Variants in PTGER3 observed in about 807,000 individuals in gnomAD.
PTGER3 encodes prostaglandin E receptor 3, also known as prostaglandin E2 receptor EP3 subtype.
In PTGER3, 22 loss-of-function variants were observed where a neutral mutation model predicts 34.7. The observed-to-expected ratio is 0.63, with a 90% CI of 0.45 to 0.91. The LOEUF (loss-of-function observed/expected upper bound fraction) is 0.91. Among genes scored for constraint, PTGER3 ranks in the 40% least tolerant of loss-of-function variants. The probability of loss-of-function intolerance (pLI) is 0.00; values close to 1 mark genes in which losing one functional copy is unlikely to be tolerated. For missense variants in PTGER3, 468 were observed against 519.4 expected (o/e 0.90, Z 0.96); for synonymous variants, 241 against 230.1 (o/e 1.05, Z -0.43).
At chr1:70,964,200 C>T (rs1464951054) in intron 2 of PTGER3, among the ~76,000 whole-genome samples, 2 of 152,174 alleles carry the variant, frequency 1.3e-5, no homozygotes, top group Non-Finnish European at 2.9e-5. Flanking sequence ...TCTGAGCCCT[C>T]CAATTCTCTA....
chr1:70,897,470 T>C lies in PTGER3; in HGVS notation c.*24-44611A>G, dbSNP rs143880576. The stretch of plus-strand genomic sequence containing the variant: ...GAGGAGAACACATGGGATCAAATAA[T>C]TGAACCACAGCTGATGGTCCTGTAG... On this transcript the variant is annotated intron_variant, in intron 4 of 4. Coordinates refer to the PTGER3 transcript ENST00000370931. 1.3e-3 allele frequency among the ~76,000 whole-genome samples: 196 copies of C among 152,304 alleles called. 2 individuals are homozygous for C. Among genetic ancestry groups the C allele is most frequent in the African/African-American group, 4.1e-3 (171 of 41,574 alleles).
intron 2 of PTGER3, among the ~76,000 whole-genome samples, chr1:70,981,070 A>C (rs1010478091): frequency 1.3e-5 from 2 of 152,128 alleles, no homozygotes; most frequent in Non-Finnish European, 2.9e-5. Context: ...AATACAGAGA[A>C]AGAATAGGCA....
chr1:71,046,584 C>T, intron 1 of PTGER3, 97 bp downstream of exon 1: 9 of 1,420,684 alleles, frequency 6.3e-6, no homozygotes, highest in South Asian at 2.9e-5. Flanking sequence ...TCTGCGGTTG[C>T]AAACACACCC....
At chr1:71,039,834 C>A in intron 1 of PTGER3, among the ~76,000 whole-genome samples, 1 of 151,946 alleles carries the variant, frequency 6.6e-6, no homozygotes, top group Non-Finnish European at 1.5e-5. Flanking sequence ...AGGTCTATCT[C>A]AACACAAGAG....
At chr1:70,996,639 T>TTTTATTTA (rs763272005) in intron 2 of PTGER3, among the ~76,000 whole-genome samples, 18,829 of 122,208 alleles carry the variant, frequency 0.15, 1,590 homozygotes, top group Middle Eastern at 0.19. Flanking sequence ...TTTTTTGTAT[T>TTTTATTTA]TTTATTTATT....
In PTGER3 at chr1:70,852,832, G is replaced by A. The variant is rs747095685; in HGVS notation, c.*51C>T. On this transcript the variant is annotated 3_prime_UTR_variant, in exon 5 of 5. Coordinates refer to the PTGER3 transcript ENST00000370931. ...CCAGTGATGTGATCCTGGCAGAAAG[G>A]CAGGTTTTAATTTCCCCAAAATTCC... is the stretch of plus-strand genomic sequence containing the variant. 11 of 1,613,310 alleles carry A rather than the reference G, an allele frequency of 6.8e-6. 1 individual carries two copies. The highest frequency in any genetic ancestry group is 1.7e-5 in the Admixed American group (1 of 59,980).
intron 1 of PTGER3, among the ~76,000 whole-genome samples, chr1:71,025,972 G>A (rs1043560703): frequency 6.6e-6 from 1 of 152,118 alleles, no homozygotes; most frequent in Non-Finnish European, 1.5e-5. Context: ...TTGTGAATCT[G>A]GCATTGTGTG....
intron 2 of PTGER3, 38 bp downstream of exon 2, chr1:71,012,267 T>G (rs1427706064): frequency 5.6e-6 from 9 of 1,614,144 alleles, no homozygotes; most frequent in Admixed American, 1.7e-5. Flanking sequence ...CTGCCCTTTC[T>G]GTCCATCATT....
chr1:70,899,666 T>A (rs1317263619), intron 4 of PTGER3, among the ~76,000 whole-genome samples: 6 of 151,928 alleles, frequency 3.9e-5, no homozygotes, highest in Non-Finnish European at 8.8e-5. Context: ...GGGAACAAAC[T>A]ATATTTGGGT....
intron 4 of PTGER3, among the ~76,000 whole-genome samples, chr1:70,866,335 G>A (rs1237124884): frequency 6.6e-6 from 1 of 152,164 alleles, no homozygotes; most frequent in Non-Finnish European, 1.5e-5. Flanking sequence ...AATAACCCAT[G>A]TTGGTCTCAA....
At chr1:70,874,259 T>TA (rs1239859691) in intron 4 of PTGER3, among the ~76,000 whole-genome samples, 1 of 152,156 alleles carries the variant, frequency 6.6e-6, no homozygotes, top group Non-Finnish European at 1.5e-5. Flanking sequence ...CCTCAGCCCC[T>TA]AGGCAGAATG....
At chr1:70,897,942 A>G (rs1225216153) in intron 4 of PTGER3, among the ~76,000 whole-genome samples, 1 of 152,172 alleles carries the variant, frequency 6.6e-6, no homozygotes, top group Non-Finnish European at 1.5e-5. Flanking sequence ...AAGGAGCTAT[A>G]CTACTTAATC....
intron 4 of PTGER3, among the ~76,000 whole-genome samples, chr1:70,896,902 T>C (rs975414208): frequency 6.6e-6 from 1 of 152,112 alleles, no homozygotes; most frequent in East Asian, 1.9e-4. Flanking sequence ...TCCCACAATA[T>C]GGCTTGATAC....
intron 4 of PTGER3, among the ~76,000 whole-genome samples, chr1:70,946,470 A>G (rs529995105): frequency 5.5e-4 from 83 of 152,282 alleles, no homozygotes; most frequent in African/African-American, 1.9e-3. Context: ...TTAACCTGCC[A>G]TGTTAAACTA....
At chr1:70,953,423 G>A (rs1204187192) in intron 3 of PTGER3, among the ~76,000 whole-genome samples, 1 of 152,124 alleles carries the variant, frequency 6.6e-6, no homozygotes, top group Non-Finnish European at 1.5e-5. Context: ...CCTTCTGTGT[G>A]CAGTGGAGTC....
In PTGER3 at chr1:71,047,158, G is replaced by A; in HGVS notation, c.420C>T (p.Phe140=). The A allele has an allele frequency of 6.2e-7, 1 of 1,600,766 alleles. No individual in the cohort carries two copies. The highest frequency in any genetic ancestry group is 1.1e-5 in the South Asian group (1 of 89,814). The change falls in exon 1 of 4, where the codon TTC becomes TTT. Residue 140 remains phenylalanine (F), a synonymous_variant. Coordinates refer to ENST00000306666, the MANE Select transcript of PTGER3 (RefSeq NM_198719.2). The stretch of plus-strand genomic sequence containing the variant: ...TGGCGATGAACAACGAGGAGAGCCC[G>A]AAAACAGTCATGGTCAGCCCGAAAA... ...CTFFGLTMTV[F]GLSSLFIASA...
intron 2 of PTGER3, among the ~76,000 whole-genome samples, chr1:70,959,568 C>T (rs1651710868): frequency 1.3e-5 from 2 of 152,000 alleles, no homozygotes; most frequent in African/African-American, 2.4e-5. Context: ...ACCATATTGG[C>T]GAGGCTGGTT....
At chr1:71,038,838 G>A (rs1198371797) in intron 1 of PTGER3, among the ~76,000 whole-genome samples, 2 of 152,214 alleles carry the variant, frequency 1.3e-5, no homozygotes, top group African/African-American at 4.8e-5. Flanking sequence ...CAGCAGCACA[G>A]GTTCTGTTCA....
intron 4 of PTGER3, among the ~76,000 whole-genome samples, chr1:70,854,057 A>T (rs1423105391): frequency 6.6e-6 from 1 of 152,190 alleles, no homozygotes; most frequent in Non-Finnish European, 1.5e-5. Context: ...ATAACAGTGG[A>T]TTTGGCAATG....
Sources: gnomAD v4.1 joint callset for allele counts (sites outside exome capture counted in the v4.1 genomes callset) on GRCh38, gnomAD v4.1.1 for gene constraint, MANE v1.5 for transcripts, NCBI Gene and HGNC (gene_info 2026-07-23, HGNC 2026-07-21) for gene names.